The following NRG3 variants were observed in gnomAD, a reference collection of about 807,000 sequenced individuals.
The protein encoded by NRG3 is neuregulin 3.
NRG3 carries 31 observed loss-of-function variants against 66.9 expected under a neutral mutation model. The observed-to-expected ratio is 0.46, with a 90% confidence interval of 0.35 to 0.63. The LOEUF is 0.63. NRG3 is among the 20% of genes least tolerant of loss of function. The probability of loss-of-function intolerance (pLI) is 0.00; values close to 1 mark genes in which losing one functional copy is unlikely to be tolerated. For synonymous variants in NRG3, 393 were observed against 359.4 expected (o/e 1.09, Z -1.06); for missense variants, 910 against 878.9 (o/e 1.04, Z -0.45).
intron 1 of NRG3, among the ~76,000 whole-genome samples, chr10:82,234,917 G>A (rs2076681486): frequency 6.6e-6 from 1 of 152,228 alleles, no homozygotes; most frequent in South Asian, 2.1e-4. Context: ...TTGTTACTGT[G>A]TAATCGGGAT....
intron 2 of NRG3, among the ~76,000 whole-genome samples, chr10:82,718,174 A>G (rs754718795): frequency 1.3e-5 from 2 of 152,070 alleles, no homozygotes; most frequent in Non-Finnish European, 2.9e-5. Flanking sequence ...AATTTCTTCA[A>G]CTCAAATATC....
rs187901287 is a variant in NRG3, at chr10:82,696,719, A to C, written c.954-41858A>C. Among the ~76,000 whole-genome samples, 781 of 152,250 alleles carry C rather than the reference A, an allele frequency of 5.1e-3. 4 individuals carry two copies. The highest frequency in any genetic ancestry group is 8.1e-3 in the Non-Finnish European group (551 of 68,014). On this transcript the variant is annotated intron_variant, in intron 2 of 8. Coordinates refer to ENST00000372141, the MANE Select transcript of NRG3 (RefSeq NM_001010848.4). ...AAACCAAGTCCAAGAGTCAAGCAAA[A>C]GGCCAAGAGTTTTGACAGAATGCTC...
intron 2 of NRG3, among the ~76,000 whole-genome samples, chr10:82,603,574 A>G (rs948615215): frequency 6.6e-6 from 1 of 152,154 alleles, no homozygotes; most frequent in African/African-American, 2.4e-5. Context: ...CCTTTTACTT[A>G]TGACCACCCA....
intron 1 of NRG3, among the ~76,000 whole-genome samples, chr10:82,118,516 A>G (rs2067869055): frequency 6.6e-6 from 1 of 152,042 alleles, no homozygotes; most frequent in African/African-American, 2.4e-5. Flanking sequence ...TTTGAAATGG[A>G]ACTATTTAAA....
intron 5 of NRG3, among the ~76,000 whole-genome samples, chr10:82,953,497 C>T (rs544064327): frequency 6.6e-6 from 1 of 152,014 alleles, no homozygotes; most frequent in Admixed American, 6.5e-5. Context: ...TCCAAGAATG[C>T]CATCTGGCAT....
intron 1 of NRG3, among the ~76,000 whole-genome samples, chr10:82,282,148 G>T (rs1426839523): frequency 6.6e-6 from 1 of 152,140 alleles, no homozygotes; most frequent in Non-Finnish European, 1.5e-5. Flanking sequence ...TAATGAAACT[G>T]ATCTAGAGGA....
chr10:82,906,394 G>A (rs1371404009), intron 4 of NRG3, among the ~76,000 whole-genome samples: 1 of 152,128 alleles, frequency 6.6e-6, no homozygotes, highest in Non-Finnish European at 1.5e-5. Context: ...TGCTGCTGTT[G>A]AACTTTGGGC....
intron 2 of NRG3, among the ~76,000 whole-genome samples, chr10:82,406,674 T>C (rs1479565557): frequency 2.6e-5 from 4 of 152,136 alleles, no homozygotes; most frequent in Non-Finnish European, 5.9e-5. Flanking sequence ...GTGACTTCAG[T>C]CAGAGAAAGT....
At chr10:82,004,441 A>C (rs911449994) in intron 1 of NRG3, among the ~76,000 whole-genome samples, 9 of 152,172 alleles carry the variant, frequency 5.9e-5, no homozygotes, top group African/African-American at 9.7e-5. Flanking sequence ...CTTTTCACAC[A>C]ATCTTCTCTC....
At chr10:82,811,192 A>G (rs2061479485) in intron 3 of NRG3, among the ~76,000 whole-genome samples, 1 of 152,246 alleles carries the variant, frequency 6.6e-6, no homozygotes, top group Admixed American at 6.5e-5. Context: ...GTATTGCTTC[A>G]TATGACTTAT....
intron 1 of NRG3, among the ~76,000 whole-genome samples, chr10:82,356,604 G>T (rs184124652): frequency 5.9e-4 from 90 of 152,244 alleles, no homozygotes; most frequent in African/African-American, 2.0e-3. Flanking sequence ...TTTATTTTGT[G>T]CCAAAGTATT....
intron 2 of NRG3, among the ~76,000 whole-genome samples, chr10:82,423,282 G>C (rs2089204897): frequency 1.3e-5 from 2 of 151,862 alleles, no homozygotes; most frequent in South Asian, 4.1e-4. Context: ...CAGATAATCT[G>C]TATTATACTA....
intron 1 of NRG3, among the ~76,000 whole-genome samples, chr10:81,930,562 G>T (rs1658235998): frequency 1.3e-5 from 2 of 151,850 alleles, no homozygotes; most frequent in African/African-American, 2.4e-5. Flanking sequence ...TGGTTCATTT[G>T]CCTGGCAAGT....
chr10:82,781,958 G>T (rs1217195559), intron 3 of NRG3, among the ~76,000 whole-genome samples: 1 of 151,932 alleles, frequency 6.6e-6, no homozygotes, highest in East Asian at 1.9e-4. Context: ...TGTTTGCTTT[G>T]CTACTTTCCA....
intron 1 of NRG3, among the ~76,000 whole-genome samples, chr10:82,172,295 T>C (rs765391109): frequency 2.0e-5 from 3 of 152,066 alleles, no homozygotes; most frequent in Non-Finnish European, 4.4e-5. Context: ...TGGCCAACCG[T>C]GTTGTCTAAA....
intron 1 of NRG3, among the ~76,000 whole-genome samples, chr10:82,024,291 A>G (rs2062194313): frequency 5.9e-5 from 9 of 151,848 alleles, no homozygotes. Context: ...TTGCAAAATA[A>G]CAAGTTGTAT....
chr10:82,463,238 T>G (rs971571084), intron 2 of NRG3, among the ~76,000 whole-genome samples: 2 of 152,232 alleles, frequency 1.3e-5, no homozygotes, highest in Non-Finnish European at 2.9e-5. Flanking sequence ...GCAGATGAAA[T>G]ATCAAGCACA....
intron 4 of NRG3, among the ~76,000 whole-genome samples, chr10:82,926,550 C>T (rs1334819796): frequency 1.3e-5 from 2 of 152,180 alleles, no homozygotes; most frequent in Non-Finnish European, 2.9e-5. Context: ...TTCCATTTTC[C>T]TTTATATCTC....
chr10:82,302,446 A>G (rs953589139), intron 1 of NRG3, among the ~76,000 whole-genome samples: 5 of 152,158 alleles, frequency 3.3e-5, no homozygotes, highest in African/African-American at 1.2e-4. Flanking sequence ...CTGAACAATA[A>G]TAGTATACTT....
Sources: allele counts gnomAD v4.1 joint callset (sites outside exome capture counted in the v4.1 genomes callset), GRCh38; gene constraint gnomAD v4.1.1; transcripts MANE v1.5; gene names NCBI Gene and HGNC (gene_info 2026-07-23, HGNC 2026-07-21).